The following MYO16 variants were observed in gnomAD, a reference collection of about 807,000 sequenced individuals.
MYO16 encodes the protein myosin XVI, also known as unconventional myosin-XVI.
In MYO16, 94 loss-of-function variants were observed where a neutral mutation model predicts 205.3. The observed-to-expected ratio is 0.46, with a 90% confidence interval of 0.39 to 0.54. The LOEUF (loss-of-function observed/expected upper bound fraction) is 0.54. Ranked by LOEUF, MYO16 falls within the 20% of genes least tolerant of loss-of-function variation. MYO16 has a pLI of 0.00. For missense variants in MYO16, 2,315 were observed against 2,387.5 expected (o/e 0.97, Z 0.63); for synonymous variants, 988 against 954.0 (o/e 1.04, Z -0.66).
chr13:108,892,412 G>A (rs1205545524), intron 14 of MYO16, among the ~76,000 whole-genome samples: 1 of 151,952 alleles, frequency 6.6e-6, no homozygotes, highest in Non-Finnish European at 1.5e-5. Flanking sequence ...CCTAATTTTT[G>A]TAGTTTTTAG....
At chr13:108,932,021 G>A (rs1183074218) in intron 16 of MYO16, among the ~76,000 whole-genome samples, 1 of 151,922 alleles carries the variant, frequency 6.6e-6, no homozygotes, top group African/African-American at 2.4e-5. Flanking sequence ...GTATCACTCT[G>A]TGCTTCATTC....
At chr13:108,506,037 A>G in the MYO16 span, among the ~76,000 whole-genome samples, 1 of 152,130 alleles carries the variant, frequency 6.6e-6, no homozygotes, top group Non-Finnish European at 1.5e-5. Flanking sequence ...TTTTTATGCC[A>G]GTGCCATACT....
the MYO16 span, among the ~76,000 whole-genome samples, chr13:108,543,843 A>C: frequency 6.8e-6 from 1 of 148,098 alleles, no homozygotes; most frequent in African/African-American, 2.5e-5. Context: ...GGGTGGGTGG[A>C]TCACCTGAGG....
chr13:108,836,551 C>T (rs995294943), intron 9 of MYO16, among the ~76,000 whole-genome samples: 1 of 152,130 alleles, frequency 6.6e-6, no homozygotes, highest in African/African-American at 2.4e-5. Context: ...GCACCATGCA[C>T]CTGGAAAAGC....
intron 32 of MYO16, among the ~76,000 whole-genome samples, chr13:109,163,131 T>G (rs980162169): frequency 1.3e-5 from 2 of 150,212 alleles, no homozygotes; most frequent in Non-Finnish European, 3.0e-5. Flanking sequence ...ATCCAGCGTT[T>G]CCTGCTCATA....
chr13:109,168,278 A>G (rs1156896028), intron 33 of MYO16, among the ~76,000 whole-genome samples: 1 of 152,196 alleles, frequency 6.6e-6, no homozygotes, highest in African/African-American at 2.4e-5. Context: ...ATGAAAAATG[A>G]TTAGCAGAAT....
chr13:108,823,176 C>T lies in MYO16; in HGVS notation c.995C>T (p.Ala332Val). Residue 332 changes from alanine to valine, a missense_variant, in exon 9 of 35, where the codon GCC becomes GTC. Ala to Val is a moderately conservative substitution (Grantham distance 64, BLOSUM62 0). Transcript: ENST00000457511. ...GAAATGCTGCTGAAAGCCGAAATTGCCTGGGAAGAAAAAATGAAAGAGCCT... is the reference window on the plus strand; with the variant it reads ...GAAATGCTGCTGAAAGCCGAAATTGTCTGGGAAGAAAAAATGAAAGAGCCT... ...IEEMLLKAEIAWEEKMKEPLS... is the reference protein window; with the variant it reads ...IEEMLLKAEIVWEEKMKEPLS... The T allele has an allele frequency of 6.2e-7, 1 of 1,612,630 alleles. No homozygotes were observed. The highest frequency in any genetic ancestry group is 8.5e-7 in the Non-Finnish European group (1 of 1,179,386).
chr13:108,761,570 T>C (rs991478374), intron 4 of MYO16, among the ~76,000 whole-genome samples: 1 of 152,130 alleles, frequency 6.6e-6, no homozygotes, highest in Non-Finnish European at 1.5e-5. Flanking sequence ...AAAAATGATA[T>C]GGAAGGTCAC....
intron 23 of MYO16, among the ~76,000 whole-genome samples, chr13:109,032,869 G>A (rs564458088): frequency 3.9e-5 from 6 of 152,162 alleles, no homozygotes; most frequent in Non-Finnish European, 5.9e-5. Flanking sequence ...GTGAGATACT[G>A]TAATTAGCAT....
intron 4 of MYO16, among the ~76,000 whole-genome samples, chr13:108,745,444 A>T (rs1490051923): frequency 6.6e-6 from 1 of 152,176 alleles, no homozygotes; most frequent in Non-Finnish European, 1.5e-5. Flanking sequence ...TATCCATAAA[A>T]CAGATGTTTT....
At chr13:108,932,035 A>C (rs536221787) in intron 16 of MYO16, among the ~76,000 whole-genome samples, 1 of 152,094 alleles carries the variant, frequency 6.6e-6, no homozygotes, top group African/African-American at 2.4e-5. Context: ...TTCATTCCGG[A>C]TAATTTCTGC....
In MYO16 at chr13:108,921,194, A is replaced by C. The variant is rs144117983; in HGVS notation, c.1925+11044A>C. Among the ~76,000 whole-genome samples, 438 of 152,244 alleles carry C rather than the reference A, an allele frequency of 2.9e-3. 3 individuals carry two copies. The highest frequency in any genetic ancestry group is 0.014 in the Middle Eastern group (4 of 292). On this transcript the variant is annotated intron_variant, in intron 16 of 34. Coordinates refer to ENST00000457511, the MANE Select transcript of MYO16 (RefSeq NM_001198950.3). ...CCAGTCTCTTCCCACCTCATAGGAC[A>C]TCCTGCCGCTTGTACCGGGCAACCC... is the stretch of plus-strand genomic sequence containing the variant.
At chr13:108,669,159 A>G (rs1042349631) in intron 2 of MYO16, among the ~76,000 whole-genome samples, 16 of 152,152 alleles carry the variant, frequency 1.1e-4, no homozygotes, top group African/African-American at 3.9e-4. Flanking sequence ...TCCAATATTA[A>G]TAATTCAGTG....
chr13:108,893,564 C>T (rs186904627), intron 14 of MYO16, among the ~76,000 whole-genome samples: 2 of 152,144 alleles, frequency 1.3e-5, no homozygotes, highest in African/African-American at 4.8e-5. Context: ...AAAGAACATC[C>T]TTGAACAGCC....
At chr13:108,937,579 A>G (rs1459824708) in intron 16 of MYO16, among the ~76,000 whole-genome samples, 2 of 152,154 alleles carry the variant, frequency 1.3e-5, no homozygotes. Context: ...ATTCTTTTTT[A>G]ATTTTTGCCA....
intron 16 of MYO16, among the ~76,000 whole-genome samples, chr13:108,948,250 T>C (rs1883009135): frequency 6.6e-6 from 1 of 152,220 alleles, no homozygotes; most frequent in South Asian, 2.1e-4. Context: ...GGCTTCTGTT[T>C]ATATATTAAA....
intron 1 of MYO16, among the ~76,000 whole-genome samples, chr13:108,611,143 C>T (rs760243448): frequency 2.1e-4 from 32 of 151,988 alleles, no homozygotes; most frequent in Non-Finnish European, 4.1e-4. Context: ...TTTGAGTCCA[C>T]GTAATTTAGC....
At chr13:109,107,767 C>T (rs1215442774) in intron 28 of MYO16, among the ~76,000 whole-genome samples, 2 of 149,114 alleles carry the variant, frequency 1.3e-5, no homozygotes, top group African/African-American at 4.9e-5. Context: ...TAAGAGTACA[C>T]CTTGAAACTA....
chr13:109,158,613 A>G (rs1378224908), intron 32 of MYO16, among the ~76,000 whole-genome samples: 6 of 152,162 alleles, frequency 3.9e-5, no homozygotes, highest in Admixed American at 3.9e-4. Flanking sequence ...CCTGTGAATT[A>G]CTCAAAGGTA....
Sources: gnomAD v4.1 joint callset for allele counts (sites outside exome capture counted in the v4.1 genomes callset) on GRCh38, gnomAD v4.1.1 for gene constraint, MANE v1.5 for transcripts, NCBI Gene and HGNC (gene_info 2026-07-23, HGNC 2026-07-21) for gene names.